AKAP13: variants seen among roughly 807,000 people sequenced by gnomAD.
AKAP13 encodes the protein A-kinase anchoring protein 13, also known as A-kinase anchor protein 13.
A neutral mutation model predicts 264.5 loss-of-function variants in AKAP13; 80 were observed. The observed-to-expected ratio is 0.30, with a 90% CI of 0.25 to 0.36. The LOEUF (loss-of-function observed/expected upper bound fraction) is 0.36, where lower values mean the gene tolerates loss of function less well. Among genes scored for constraint, AKAP13 ranks in the 10% least tolerant of loss-of-function variants. The pLI is 1.00. For missense variants in AKAP13, 3,712 were observed against 3,435.2 expected (o/e 1.08, Z -2.01); for synonymous variants, 1,380 against 1,250.2 (o/e 1.10, Z -2.19).
At chr15:85,618,248 C>CATCTAT (rs1406013106) in intron 8 of AKAP13, among the ~76,000 whole-genome samples, 1 of 152,190 alleles carries the variant, frequency 6.6e-6, no homozygotes, top group Non-Finnish European at 1.5e-5. Context: ...CACAGCAACT[C>CATCTAT]ATCTATACCC....
intron 9 of AKAP13, among the ~76,000 whole-genome samples, chr15:85,641,762 G>T (rs1194585099): frequency 1.3e-5 from 2 of 151,892 alleles, no homozygotes; most frequent in Admixed American, 1.3e-4. Flanking sequence ...CTTACAAAGG[G>T]ATTACAGGCA....
intron 5 of AKAP13, among the ~76,000 whole-genome samples, chr15:85,562,574 A>AAAAAAAAAATATATATATATATATAT (rs1351834745): frequency 1.3e-5 from 1 of 77,670 alleles, no homozygotes; most frequent in African/African-American, 4.0e-5. Context: ...CAAAAAAAAA[A>AAAAAAAAAATATATATATATATATAT]ATATATATAT....
rs573537095 is a variant in AKAP13, at chr15:85,633,854, A to T, written c.4162-5520A>T. Among the ~76,000 whole-genome samples, 131 of 151,132 alleles carry T rather than the reference A, an allele frequency of 8.7e-4. 1 individual carries two copies. The East Asian group carries it at 0.018, about 21-fold the overall frequency. On this transcript the variant is annotated intron_variant, in intron 8 of 36. Coordinates refer to ENST00000394518, the MANE Select transcript of AKAP13 (RefSeq NM_007200.5). Reference sequence around the variant, plus strand: ...CCACTGCACCCGGCCTTTTTTTTTTAAAAAGGAAAATGTGTTGTTTCAATT... The same window carrying T: ...CCACTGCACCCGGCCTTTTTTTTTTTAAAAGGAAAATGTGTTGTTTCAATT...
intron 8 of AKAP13, among the ~76,000 whole-genome samples, chr15:85,605,148 C>G (rs1400799816): frequency 6.6e-6 from 1 of 152,198 alleles, no homozygotes; most frequent in South Asian, 2.1e-4. Context: ...ATTAAACACA[C>G]ACATACATCC....
At chr15:85,411,615 C>T (rs1316606987) in intron 1 of AKAP13, among the ~76,000 whole-genome samples, 2 of 152,028 alleles carry the variant, frequency 1.3e-5, no homozygotes, top group African/African-American at 2.4e-5. Flanking sequence ...TTTTTTGTAT[C>T]TTTCGTAGAG....
At chr15:85,385,292 GTTGA>G (rs2070501248) in intron 1 of AKAP13, among the ~76,000 whole-genome samples, 1 of 149,858 alleles carries the variant, frequency 6.7e-6, no homozygotes, top group South Asian at 2.1e-4. Flanking sequence ...ATCTTTTATA[GTTGA>G]TTAAGAAAAA....
intron 16 of AKAP13, 25 bp from the exon 17 acceptor site, chr15:85,693,252 T>C (rs1308658772): frequency 8.2e-6 from 13 of 1,579,142 alleles, no homozygotes; most frequent in East Asian, 4.6e-5. Flanking sequence ...CAATTAACTG[T>C]GGATTATTTT....
intron 19 of AKAP13, among the ~76,000 whole-genome samples, chr15:85,714,921 C>T (rs1472587530): frequency 2.0e-5 from 3 of 151,972 alleles, no homozygotes; most frequent in Admixed American, 6.6e-5. Flanking sequence ...GAGCCAAGAT[C>T]GCGCCACTGC....
chr15:85,720,268 G>C (rs1176386692), intron 23 of AKAP13, among the ~76,000 whole-genome samples: 3 of 49,190 alleles, frequency 6.1e-5, no homozygotes, highest in East Asian at 7.0e-4. Flanking sequence ...CTCTGTGTGT[G>C]TGTGTGTGTG....
chr15:85,709,659 A>AATTTTATTTTATTTTATTTTATTTT lies in AKAP13; in HGVS notation c.5533-898_5533-874dup, dbSNP rs56793112. On this transcript the variant is annotated intron_variant, in intron 18 of 36. Transcript: ENST00000394518. ...TAAGAGAATATAACCTAAAAGGGGG[A>AATTTTATTTTATTTTATTTTATTTT]ATTTTATTTTATTTTATTTTATTTT... Among the ~76,000 whole-genome samples, 203 of 137,878 alleles carry AATTTTATTTTATTTTATTTTATTTT rather than the reference A, an allele frequency of 1.5e-3. 1 individual carries two copies. The highest frequency in any genetic ancestry group is 6.1e-3 in the East Asian group (29 of 4,720). The allele number at this position is 137,878 out of a possible 152,430, so 90.5% of individuals were successfully genotyped here. A position where few individuals can be genotyped will look rare whatever the true frequency, so the allele number is the denominator to read the frequency against.
chr15:85,685,605 C>T (rs1305356153), intron 16 of AKAP13, among the ~76,000 whole-genome samples: 1 of 151,968 alleles, frequency 6.6e-6, no homozygotes, highest in Non-Finnish European at 1.5e-5. Flanking sequence ...TGCCTCGCAC[C>T]GTAGCCTCCC....
intron 1 of AKAP13, among the ~76,000 whole-genome samples, chr15:85,457,264 G>A (rs1477355875): frequency 1.3e-5 from 2 of 152,124 alleles, no homozygotes; most frequent in Admixed American, 1.3e-4. Context: ...TGGTGATTGA[G>A]GGCCTACCGT....
intron 1 of AKAP13, among the ~76,000 whole-genome samples, chr15:85,455,987 A>G (rs1216235458): frequency 2.6e-5 from 4 of 152,198 alleles, no homozygotes; most frequent in African/African-American, 9.7e-5. Context: ...TCATTGATTG[A>G]AAAGGAGGAC....
In AKAP13 at chr15:85,655,727, G is replaced by C; in HGVS notation, c.4685G>C (p.Arg1562Pro). ...RSSMRSLSPFRRHSWGPGKNA... is the reference protein window; with the variant it reads ...RSSMRSLSPFPRHSWGPGKNA... ...TCCATGCGCTCTCTTTCTCCCTTCC[G>C]GAGGCACAGCTGGGGGCCTGGGAAA... The change falls in exon 11 of 37, where the codon CGG (arginine) becomes CCG (proline). Residue 1562 changes from arginine to proline, a missense_variant. Coordinates refer to ENST00000394518, the MANE Select transcript of AKAP13 (RefSeq NM_007200.5). The C allele has an allele frequency of 6.2e-7, 1 of 1,613,818 alleles. No homozygotes were observed. The highest frequency in any genetic ancestry group is 8.5e-7 in the Non-Finnish European group (1 of 1,179,730).
Position 85,718,882 on chromosome 15 carries a change from G to A in AKAP13, c.6002-194G>A. The A allele has an allele frequency of 1.5e-6, 1 of 657,184 alleles. No homozygotes were observed. The highest frequency in any genetic ancestry group is 2.4e-6 in the Non-Finnish European group (1 of 411,768). 40.7% of individuals were successfully genotyped at this position (657,184 alleles called of 1,614,324 possible). A position where few individuals can be genotyped will look rare whatever the true frequency, so the allele number is the denominator to read the frequency against. ...AGCCTGCACTTCAGCCTGGGTGACA[G>A]AGCCAGAACCTGTCTTAAAAAAAAA... On this transcript the variant is annotated intron_variant, in intron 22 of 36. Coordinates refer to ENST00000394518, the MANE Select transcript of AKAP13 (RefSeq NM_007200.5). The surrounding 1 kb of genome is among the most constrained non-coding windows in gnomAD (Gnocchi z 4.9).
intron 17 of AKAP13, among the ~76,000 whole-genome samples, chr15:85,695,698 C>T (rs762286968): frequency 7.2e-5 from 11 of 152,182 alleles, no homozygotes; most frequent in Non-Finnish European, 1.2e-4. Context: ...CACCCGAATC[C>T]TCATGCATCC....
chr15:85,507,714 G>A (rs1054427813), intron 2 of AKAP13, among the ~76,000 whole-genome samples: 19 of 152,180 alleles, frequency 1.2e-4, no homozygotes, highest in Non-Finnish European at 2.1e-4. Context: ...CCAAGAATGG[G>A]AGCTTCTGGG....
At chr15:85,561,820 G>T (rs1002128035) in intron 5 of AKAP13, among the ~76,000 whole-genome samples, 1 of 152,156 alleles carries the variant, frequency 6.6e-6, no homozygotes, top group South Asian at 2.1e-4. Context: ...GACCATAGAC[G>T]CCATGGACTA....
At chr15:85,485,182 A>G (rs1235650525) in intron 1 of AKAP13, among the ~76,000 whole-genome samples, 4 of 152,220 alleles carry the variant, frequency 2.6e-5, no homozygotes, top group Admixed American at 6.5e-5. Flanking sequence ...CAGGGAATCC[A>G]GCTATTAACT....
Sources: gnomAD v4.1 joint callset for allele counts (sites outside exome capture counted in the v4.1 genomes callset) on GRCh38, gnomAD v4.1.1 for gene constraint, Gnocchi (gnomAD v3.1) non-coding constraint, MANE v1.5 for transcripts, NCBI Gene and HGNC (gene_info 2026-07-23, HGNC 2026-07-21) for gene names.